RORB: variants seen among roughly 807,000 people sequenced by gnomAD.
The protein encoded by RORB is nuclear receptor ROR-beta.
RORB carries 6 observed loss-of-function variants against 59.1 expected under a neutral mutation model. The ratio of observed to expected loss-of-function variants is 0.10; its 90% CI spans 0.06 to 0.20. The LOEUF is 0.20. Ranked by LOEUF, RORB falls within the 10% of genes least tolerant of loss-of-function variation. The probability of loss-of-function intolerance (pLI) is 1.00; values close to 1 mark genes in which losing one functional copy is unlikely to be tolerated. For missense variants in RORB, 320 were observed against 560.5 expected (o/e 0.57, Z 4.33); for synonymous variants, 215 against 204.5 (o/e 1.05, Z -0.44).
At chr9:74,552,470 A>G (rs1826626451) in intron 1 of RORB, among the ~76,000 whole-genome samples, 1 of 152,106 alleles carries the variant, frequency 6.6e-6, no homozygotes, top group Non-Finnish European at 1.5e-5. Flanking sequence ...TGATGATGGG[A>G]CTACATCTTA....
intron 1 of RORB, among the ~76,000 whole-genome samples, chr9:74,558,657 T>C (rs543190073): frequency 2.0e-5 from 3 of 150,342 alleles, no homozygotes; most frequent in African/African-American, 7.3e-5. Context: ...AGCAATGCAA[T>C]GTAAGAAGAA....
intron 1 of RORB, among the ~76,000 whole-genome samples, chr9:74,621,991 G>A (rs1043857439): frequency 5.3e-5 from 8 of 151,940 alleles, no homozygotes; most frequent in East Asian, 1.9e-4. Flanking sequence ...CAGTCCTGAC[G>A]TCTCTCCATT....
intron 1 of RORB, among the ~76,000 whole-genome samples, chr9:74,577,171 G>C (rs1323417647): frequency 6.6e-6 from 1 of 152,070 alleles, no homozygotes; most frequent in South Asian, 2.1e-4. Flanking sequence ...ATTGAATTTT[G>C]CTGGGTTTTT....
At chr9:74,620,955 C>T (rs1326855376) in intron 1 of RORB, among the ~76,000 whole-genome samples, 2 of 152,112 alleles carry the variant, frequency 1.3e-5, no homozygotes, top group Non-Finnish European at 2.9e-5. Context: ...GTGCAATTCA[C>T]TTTTTTGAAA....
chr9:74,555,194 C>A (rs1231719614), intron 1 of RORB, among the ~76,000 whole-genome samples: 1 of 152,186 alleles, frequency 6.6e-6, no homozygotes, highest in Admixed American at 6.5e-5. Flanking sequence ...ATCTGGCATG[C>A]GGTTTGTTTT....
At chr9:74,667,105 C>T (rs931557055) in intron 7 of RORB, among the ~76,000 whole-genome samples, 1 of 152,224 alleles carries the variant, frequency 6.6e-6, no homozygotes, top group African/African-American at 2.4e-5. Flanking sequence ...CAAGCAACCT[C>T]AGTATATTTC....
chr9:74,584,885 G>A (rs1373080467), intron 1 of RORB, among the ~76,000 whole-genome samples: 1 of 152,164 alleles, frequency 6.6e-6, no homozygotes, highest in Non-Finnish European at 1.5e-5. Context: ...TCTGGCACTA[G>A]GACTGGCTAT....
intron 7 of RORB, among the ~76,000 whole-genome samples, 177 bp downstream of exon 7, chr9:74,665,772 T>G (rs1824254531): frequency 6.6e-6 from 1 of 152,216 alleles, no homozygotes; most frequent in Non-Finnish European, 1.5e-5. Flanking sequence ...ATCTTGTAAC[T>G]GTGGCCTCCA....
At chr9:74,526,067 C>A (rs1327872901) in intron 1 of RORB, among the ~76,000 whole-genome samples, 1 of 151,864 alleles carries the variant, frequency 6.6e-6, no homozygotes, top group Non-Finnish European at 1.5e-5. Context: ...CCAAAATGGG[C>A]TATCAAAAAC....
intron 9 of RORB, among the ~76,000 whole-genome samples, chr9:74,680,667 C>CA (rs1218612343): frequency 6.6e-6 from 1 of 151,378 alleles, no homozygotes; most frequent in South Asian, 2.1e-4. Context: ...AAACCAAAAA[C>CA]AAAAAAAGAA....
At chr9:74,685,358 C>G in intron 9 of RORB, 105 bp from the exon 10 acceptor site, 3 of 893,548 alleles carry the variant, frequency 3.4e-6, no homozygotes, top group Non-Finnish European at 4.7e-6. Context: ...CATCTTTTTC[C>G]AAAGCCTTTT....
chr9:74,577,159 C>T (rs899743646), intron 1 of RORB, among the ~76,000 whole-genome samples: 2 of 152,068 alleles, frequency 1.3e-5, no homozygotes, highest in Non-Finnish European at 2.9e-5. Context: ...CACACTGAAG[C>T]AATTGAATTT....
intron 1 of RORB, among the ~76,000 whole-genome samples, chr9:74,559,110 C>T (rs1311836936): frequency 1.3e-5 from 2 of 152,166 alleles, no homozygotes; most frequent in Non-Finnish European, 2.9e-5. Context: ...TCCGTGCATA[C>T]GATTTGATAA....
At chr9:74,630,412 T>A in intron 2 of RORB, 45 bp downstream of exon 2, 1 of 1,436,254 alleles carries the variant, frequency 7.0e-7, no homozygotes, top group East Asian at 2.4e-5. Flanking sequence ...GCCTCAGGCA[T>A]CTGTGTACCT....
Position 74,687,222 on chromosome 9 carries a change from A to G in RORB, c.*1604A>G, listed in dbSNP as rs1225138508. 1 of 152,130 alleles carries G rather than the reference A, an allele frequency of 6.6e-6. No homozygotes were observed. Among genetic ancestry groups the G allele is most frequent in the Admixed American group, 6.6e-5 (1 of 15,262 alleles). The allele number at this position is 152,130 out of a possible 1,614,324, so 9.4% of individuals were successfully genotyped here. A position where few individuals can be genotyped will look rare whatever the true frequency, so the allele number is the denominator to read the frequency against. On this transcript the variant is annotated 3_prime_UTR_variant, in exon 10 of 10. Transcript: ENST00000376896. Reference sequence around the variant, plus strand: ...GCTAAGAGAGAAGTTTGTGTATAAGACAATGAAAATTATGGTCTCCTGTAA... The same window carrying G: ...GCTAAGAGAGAAGTTTGTGTATAAGGCAATGAAAATTATGGTCTCCTGTAA...
intron 1 of RORB, among the ~76,000 whole-genome samples, chr9:74,585,289 G>A (rs912897832): frequency 1.1e-4 from 17 of 152,074 alleles, no homozygotes; most frequent in African/African-American, 4.1e-4. Flanking sequence ...TCCAAATTTT[G>A]GGAACTACTC....
chr9:74,679,861 G>T (rs1563973030), intron 9 of RORB, among the ~76,000 whole-genome samples: 1 of 152,136 alleles, frequency 6.6e-6, no homozygotes, highest in African/African-American at 2.4e-5. Context: ...ACTTTGGGAG[G>T]CCGAGGCAGG....
intron 1 of RORB, among the ~76,000 whole-genome samples, chr9:74,529,043 C>T (rs1231468701): frequency 1.3e-5 from 2 of 151,970 alleles, no homozygotes; most frequent in Non-Finnish European, 2.9e-5. Context: ...AGGAGAAGTG[C>T]TCTATTCGTT....
At chr9:74,535,256 GA>G (rs1370696139) in intron 1 of RORB, among the ~76,000 whole-genome samples, 1 of 151,974 alleles carries the variant, frequency 6.6e-6, no homozygotes, top group South Asian at 2.1e-4. Flanking sequence ...AAAAGGAGAT[GA>G]AAAAACAAAT....
Sources: allele counts gnomAD v4.1 joint callset (sites outside exome capture counted in the v4.1 genomes callset), GRCh38; gene constraint gnomAD v4.1.1; transcripts MANE v1.5; gene names NCBI Gene and HGNC (gene_info 2026-07-23, HGNC 2026-07-21).